Variants in NELL2 observed in about 807,000 individuals in gnomAD.
The protein encoded by NELL2 is neural EGFL like 2, also known as protein kinase C-binding protein NELL2.
NELL2 carries 41 observed loss-of-function variants against 109.6 expected under a neutral mutation model. That is an observed-to-expected ratio of 0.37 (90% CI 0.29 to 0.49). The LOEUF (loss-of-function observed/expected upper bound fraction) is 0.49. Ranked by LOEUF, NELL2 falls within the 20% of genes least tolerant of loss-of-function variation. The pLI, the probability that NELL2 is intolerant of heterozygous loss-of-function variation, is 0.98. For synonymous variants in NELL2, 355 were observed against 344.7 expected, an observed-to-expected ratio of 1.03 and a Z score of -0.33; for missense variants, 900 against 1,008.3, an observed-to-expected ratio of 0.89 and a Z score of 1.45.
chr12:44,885,015 C>A (rs776371069), intron 1 of NELL2, among the ~76,000 whole-genome samples: 19 of 151,852 alleles, frequency 1.3e-4, no homozygotes, highest in Non-Finnish European at 2.4e-4. Flanking sequence ...GTGGTGGCTC[C>A]CCCCTGTAAT....
At chr12:44,882,522 A>G (rs1945425962) in intron 1 of NELL2, among the ~76,000 whole-genome samples, 1 of 151,420 alleles carries the variant, frequency 6.6e-6, no homozygotes, top group Non-Finnish European at 1.5e-5. Context: ...ACACGCACAC[A>G]TACATATATA....
chr12:44,525,545 T>C (rs1308461965), intron 16 of NELL2, among the ~76,000 whole-genome samples: 3 of 152,218 alleles, frequency 2.0e-5, no homozygotes, highest in Admixed American at 1.3e-4. Flanking sequence ...ACTGGTGGTA[T>C]AGAATTTTGG....
Position 44,766,729 on chromosome 12 carries a change from G to A in NELL2, c.994+8018C>T, listed in dbSNP as rs78208497. Among the ~76,000 whole-genome samples the A allele has an allele frequency of 1.3e-3, 192 of 152,212 alleles. 3 individuals are homozygous for A. The East Asian group carries it at 0.033, about 27-fold the overall frequency. ...AAAGCCTTATGATACTAAGAAGGAG[G>A]ACTAGCCTTCTGATCACCTAAAGAA... On this transcript the variant is annotated intron_variant, in intron 9 of 19. Transcript: ENST00000429094.
intron 2 of NELL2, among the ~76,000 whole-genome samples, chr12:44,854,252 C>T (rs1214421430): frequency 6.6e-6 from 1 of 151,994 alleles, no homozygotes; most frequent in Non-Finnish European, 1.5e-5. Flanking sequence ...TAGATTAAGC[C>T]CTAAAACACC....
intron 15 of NELL2, among the ~76,000 whole-genome samples, chr12:44,583,393 C>T (rs1160876117): frequency 6.6e-6 from 1 of 152,112 alleles, no homozygotes; most frequent in Non-Finnish European, 1.5e-5. Context: ...GCCTGGACAC[C>T]ACACCCCGCC....
intron 9 of NELL2, among the ~76,000 whole-genome samples, chr12:44,732,908 C>CA (rs1389434985): frequency 6.6e-6 from 1 of 151,750 alleles, no homozygotes; most frequent in Non-Finnish European, 1.5e-5. Context: ...GGCATTTCTC[C>CA]AAAAAAGATA....
intron 15 of NELL2, among the ~76,000 whole-genome samples, chr12:44,542,958 C>T (rs1465743308): frequency 6.6e-6 from 1 of 152,148 alleles, no homozygotes; most frequent in African/African-American, 2.4e-5. Context: ...CTAGTGTCTG[C>T]AGCAGGAGCA....
At chr12:44,522,476 G>A (rs1227747451) in intron 17 of NELL2, among the ~76,000 whole-genome samples, 4 of 151,836 alleles carry the variant, frequency 2.6e-5, no homozygotes, top group African/African-American at 7.3e-5. Flanking sequence ...TCATTTATAC[G>A]TAAGTATATA....
chr12:44,706,447 A>G (rs1428945796), intron 11 of NELL2, among the ~76,000 whole-genome samples: 1 of 152,138 alleles, frequency 6.6e-6, no homozygotes, highest in African/African-American at 2.4e-5. Context: ...TATTATCTTC[A>G]TAGTTGCATT....
chr12:44,910,701 T>A (rs1159516850), intron 1 of NELL2, among the ~76,000 whole-genome samples: 1 of 151,938 alleles, frequency 6.6e-6, no homozygotes, highest in Non-Finnish European at 1.5e-5. Flanking sequence ...AGACATGGAA[T>A]CAACCTAGGT....
chr12:44,641,767 G>A (rs570020740), intron 13 of NELL2, among the ~76,000 whole-genome samples: 1 of 144,736 alleles, frequency 6.9e-6, no homozygotes, highest in East Asian at 2.1e-4. Context: ...TGGGATCTCG[G>A]CTCACTGCAA....
chr12:44,538,763 T>A (rs1791580360), intron 15 of NELL2, among the ~76,000 whole-genome samples: 1 of 152,212 alleles, frequency 6.6e-6, no homozygotes, highest in Admixed American at 6.5e-5. Context: ...CTTTGGTCAA[T>A]GTACAACTCC....
At chr12:44,730,563 A>C (rs768647863) in intron 9 of NELL2, among the ~76,000 whole-genome samples, 12 of 152,130 alleles carry the variant, frequency 7.9e-5, no homozygotes, top group Non-Finnish European at 1.5e-4. Flanking sequence ...TCAAAAAAGA[A>C]ATTTTAAAAT....
At chr12:44,707,063 G>A (rs574577467) in intron 11 of NELL2, among the ~76,000 whole-genome samples, 2 of 152,246 alleles carry the variant, frequency 1.3e-5, no homozygotes, top group Middle Eastern at 3.4e-3. Flanking sequence ...TATAGGTTTT[G>A]CCTAAAGGCA....
intron 13 of NELL2, among the ~76,000 whole-genome samples, chr12:44,663,727 G>A (rs919956587): frequency 1.1e-4 from 17 of 152,320 alleles, no homozygotes; most frequent in Middle Eastern, 3.4e-3. Flanking sequence ...CTCTGTAAAT[G>A]TATGAAAGCT....
intron 17 of NELL2, among the ~76,000 whole-genome samples, chr12:44,522,617 T>C (rs927933335): frequency 6.6e-5 from 10 of 152,230 alleles, no homozygotes; most frequent in Non-Finnish European, 1.2e-4. Flanking sequence ...CCTATGTTTT[T>C]GTATAAACTG....
intron 9 of NELL2, among the ~76,000 whole-genome samples, chr12:44,733,143 A>C (rs1323793786): frequency 6.6e-6 from 1 of 152,018 alleles, no homozygotes; most frequent in East Asian, 1.9e-4. Context: ...AGAAAACAGC[A>C]TAGAGGTTCC....
chr12:44,732,665 G>T (rs1199905700), intron 9 of NELL2, among the ~76,000 whole-genome samples: 3 of 151,886 alleles, frequency 2.0e-5, no homozygotes, highest in Non-Finnish European at 4.4e-5. Context: ...TGGATATGAT[G>T]CCAAAGCTCA....
At chr12:44,656,938 T>C (rs183474311) in intron 13 of NELL2, among the ~76,000 whole-genome samples, 209 of 152,356 alleles carry the variant, frequency 1.4e-3, no homozygotes, top group African/African-American at 4.6e-3. Context: ...AACAATAACA[T>C]TGCTGCCTTT....
Sources: allele counts gnomAD v4.1 joint callset (sites outside exome capture counted in the v4.1 genomes callset), GRCh38; gene constraint gnomAD v4.1.1; transcripts MANE v1.5; gene names NCBI Gene and HGNC (gene_info 2026-07-23, HGNC 2026-07-21).